SMAGP: variants seen among roughly 807,000 people sequenced by gnomAD.
SMAGP encodes the protein small cell transmembrane and glycosylated protein.
SMAGP carries 7 observed loss-of-function variants against 10.1 expected under a neutral mutation model. The observed-to-expected ratio is 0.70, with a 90% CI of 0.40 to 1.31. The LOEUF (loss-of-function observed/expected upper bound fraction) is 1.31. SMAGP is among the 50% of genes most tolerant of loss of function. The probability of loss-of-function intolerance (pLI) is 0.01; values close to 1 mark genes in which losing one functional copy is unlikely to be tolerated. For missense variants in SMAGP, 113 were observed against 116.5 expected (o/e 0.97, Z 0.14); for synonymous variants, 49 against 47.2 (o/e 1.04, Z -0.16).
intron 2 of SMAGP, among the ~76,000 whole-genome samples, chr12:51,250,785 C>T (rs1348532184): frequency 6.6e-6 from 1 of 152,124 alleles, no homozygotes; most frequent in African/African-American, 2.4e-5. Flanking sequence ...GAGCATGCCT[C>T]TCCTCTGGTA....
At chr12:51,266,540 A>C (rs1182223216) in intron 2 of SMAGP, among the ~76,000 whole-genome samples, 1 of 151,652 alleles carries the variant, frequency 6.6e-6, no homozygotes, top group Non-Finnish European at 1.5e-5. Context: ...AGTGAGAGAG[A>C]CCATTTTCAC....
Position 51,265,998 on chromosome 12 carries a change from C to T in SMAGP, c.34+3247G>A, listed in dbSNP as rs373814038. Among the ~76,000 whole-genome samples the T allele has an allele frequency of 5.3e-5, 8 of 151,946 alleles. No homozygotes were observed. The East Asian group carries it at 7.8e-4, about 15-fold the overall frequency. On this transcript the variant is annotated intron_variant, in intron 2 of 3. Transcript: ENST00000603798. The stretch of plus-strand genomic sequence containing the variant: ...TCGGGAAGCTAAGACAGGAGAATGG[C>T]GTGAACCCATGAGGCGGAGCTTGCA...
intron 2 of SMAGP, among the ~76,000 whole-genome samples, chr12:51,267,725 GCT>G (rs1291631794): frequency 6.6e-6 from 1 of 151,950 alleles, no homozygotes; most frequent in Non-Finnish European, 1.5e-5. Flanking sequence ...GAACTCCTGA[GCT>G]CAGTCTGCCT....
At chr12:51,264,483 G>A (rs1391621915) in intron 2 of SMAGP, among the ~76,000 whole-genome samples, 1 of 152,080 alleles carries the variant, frequency 6.6e-6, no homozygotes, top group African/African-American at 2.4e-5. Context: ...AAAATTAGCT[G>A]GGCGTGATGG....
chr12:51,264,627 T>TA (rs576531152), intron 2 of SMAGP, among the ~76,000 whole-genome samples: 1,474 of 101,056 alleles, frequency 0.015, 24 homozygotes, highest in African/African-American at 0.039. Context: ...TCCCATCTCT[T>TA]AAAAAAAAAA....
intron 1 of SMAGP, chr12:51,270,015 G>GCCCCGCCCCCGTCCCCGC (rs1555167857): frequency 2.8e-4 from 42 of 151,742 alleles, no homozygotes; most frequent in African/African-American, 9.6e-4. Context: ...TCGCCCCGCG[G>GCCCCGCCCCCGTCCCCGC]CCCCGCCCCC....
Position 51,245,895 on chromosome 12 carries a change from T to A in SMAGP, c.*46A>T, listed in dbSNP as rs140436594. Reference sequence around the variant, plus strand: ...ACTTTCCCATAATAAGCAGTCAACGTGTTAGCGATGGAGCCAGGAATAAGC... The same window carrying A: ...ACTTTCCCATAATAAGCAGTCAACGAGTTAGCGATGGAGCCAGGAATAAGC... On this transcript the variant is annotated 3_prime_UTR_variant, in exon 4 of 4. Transcript: ENST00000603798. 1.2e-3 allele frequency: 1,895 copies of A among 1,580,118 alleles called. 20 individuals are homozygous for A. In the African/African-American group the frequency reaches 0.021, roughly 18 times the overall value.
chr12:51,262,698 T>C (rs112715531), intron 2 of SMAGP, among the ~76,000 whole-genome samples: 3,625 of 152,228 alleles, frequency 0.024, 141 homozygotes, highest in African/African-American at 0.083. Flanking sequence ...TCCTAACCAA[T>C]AGCAAATGAC....
intron 2 of SMAGP, among the ~76,000 whole-genome samples, chr12:51,248,434 A>ACTCTCACT (rs1944804323): frequency 1.3e-5 from 1 of 77,468 alleles, no homozygotes; most frequent in African/African-American, 5.1e-5. Flanking sequence ...ACACACACAC[A>ACTCTCACT]CTCTCTCTCT....
intron 2 of SMAGP, among the ~76,000 whole-genome samples, chr12:51,267,782 T>C (rs1246558542): frequency 1.3e-5 from 2 of 152,114 alleles, no homozygotes; most frequent in Non-Finnish European, 2.9e-5. Flanking sequence ...TGAGCCACCA[T>C]ACCTGGCCAT....
intron 2 of SMAGP, among the ~76,000 whole-genome samples, chr12:51,258,903 T>C (rs1160424889): frequency 6.7e-6 from 1 of 148,388 alleles, no homozygotes. Context: ...TCCCAACAAT[T>C]TGGGAGGCTG....
chr12:51,257,072 G>T lies in SMAGP; in HGVS notation c.35-10241C>A, dbSNP rs542701020. On this transcript the variant is annotated intron_variant, in intron 2 of 3. Transcript: ENST00000603798. ...AACTGAAGGCAGAATATAAATAAAT[G>T]CTTACACAAAATTTCTCTGTAAAGG... Among the ~76,000 whole-genome samples, 3 of 152,280 alleles carry T rather than the reference G, an allele frequency of 2.0e-5. No homozygotes were observed. In the East Asian group the frequency reaches 5.8e-4, roughly 29 times the overall value.
At chr12:51,264,956 A>G (rs10783427) in intron 2 of SMAGP, among the ~76,000 whole-genome samples, 102,451 of 146,412 alleles carry the variant, frequency 0.7, 38,325 homozygotes, top group Non-Finnish European at 0.85. Context: ...AAAAAAGAGA[A>G]AGAGAGAGAG....
intron 2 of SMAGP, among the ~76,000 whole-genome samples, chr12:51,249,962 A>T (rs1010601180): frequency 5.3e-5 from 8 of 152,136 alleles, no homozygotes; most frequent in African/African-American, 1.9e-4. Flanking sequence ...TACCCACAGG[A>T]ACTATATTAA....
chr12:51,247,188 G>T (rs1184963974), intron 2 of SMAGP, among the ~76,000 whole-genome samples: 1 of 152,102 alleles, frequency 6.6e-6, no homozygotes, highest in Non-Finnish European at 1.5e-5. Flanking sequence ...ACTTTAAAAC[G>T]TTGTTGTGAC....
chr12:51,250,307 AG>A (rs1201406147), intron 2 of SMAGP, among the ~76,000 whole-genome samples: 8 of 151,846 alleles, frequency 5.3e-5, no homozygotes, highest in Admixed American at 4.6e-4. Flanking sequence ...GCTTGAGCCC[AG>A]GGGGTTAAGC....
At chr12:51,257,104 G>C (rs12578381) in intron 2 of SMAGP, among the ~76,000 whole-genome samples, 8,848 of 152,244 alleles carry the variant, frequency 0.058, 412 homozygotes, top group East Asian at 0.14. Flanking sequence ...AAGGTGAGTA[G>C]AGAAAGGCTG....
intron 2 of SMAGP, among the ~76,000 whole-genome samples, chr12:51,252,520 T>C (rs1944848114): frequency 6.6e-6 from 1 of 152,068 alleles, no homozygotes; most frequent in Admixed American, 6.6e-5. Flanking sequence ...GCCTCCCAAG[T>C]AGCTGGAATT....
At chr12:51,248,902 A>C (rs1392413273) in intron 2 of SMAGP, among the ~76,000 whole-genome samples, 33 of 2,644 alleles carry the variant, frequency 0.012, no homozygotes, top group East Asian at 0.059. Context: ...AAATACCACA[A>C]AAAAAAAAAA....
Sources: allele counts gnomAD v4.1 joint callset (sites outside exome capture counted in the v4.1 genomes callset), GRCh38; gene constraint gnomAD v4.1.1; transcripts MANE v1.5; gene names NCBI Gene and HGNC (gene_info 2026-07-23, HGNC 2026-07-21).